Variants in LARS2 observed in about 807,000 individuals in gnomAD.
LARS2 encodes the protein leucyl-tRNA synthetase 2, mitochondrial.
In LARS2, 81 loss-of-function variants were observed where a neutral mutation model predicts 116.6. That is an observed-to-expected ratio of 0.69 (90% CI 0.58 to 0.84). LARS2 has a LOEUF of 0.84. Ranked by LOEUF, LARS2 falls within the 40% of genes least tolerant of loss-of-function variation. The pLI is 0.00. For missense variants in LARS2, 968 were observed against 1,114.5 expected, an observed-to-expected ratio of 0.87 and a Z score of 1.87; for synonymous variants, 396 against 407.2, an observed-to-expected ratio of 0.97 and a Z score of 0.33.
chr3:45,468,216 G>A (rs1699460521), intron 8 of LARS2, among the ~76,000 whole-genome samples: 1 of 152,160 alleles, frequency 6.6e-6, no homozygotes, highest in Non-Finnish European at 1.5e-5. Context: ...GAAAGGGATG[G>A]TCTTATGTTC....
rs907719189 is a variant in LARS2 at position 45,506,298 on chromosome 3, G to A, written c.1760+5719G>A. Among the ~76,000 whole-genome samples, 17 of 151,970 alleles carry A rather than the reference G, an allele frequency of 1.1e-4. 1 individual carries two copies. Among genetic ancestry groups the A allele is most frequent in the Middle Eastern group, 3.2e-3 (1 of 316 alleles). On this transcript the variant is annotated intron_variant, in intron 15 of 21. Transcript: ENST00000645846. ...AGCAACAGCCTCTGAAAACTCTCCC[G>A]GTGCATTACCTCTTTCTTAGAGGTG...
chr3:45,459,016 A>AG (rs1699265179), intron 8 of LARS2, 130 bp downstream of exon 8: 1 of 879,426 alleles, frequency 1.1e-6, no homozygotes, highest in South Asian at 1.6e-5. Context: ...ATGGATGTAC[A>AG]GACAGGAAGC....
intron 4 of LARS2, among the ~76,000 whole-genome samples, chr3:45,416,859 G>C (rs1445830560): frequency 1.3e-5 from 2 of 152,088 alleles, no homozygotes; most frequent in Non-Finnish European, 2.9e-5. Context: ...CGGATCACGA[G>C]GTCAGGAGAT....
intron 6 of LARS2, among the ~76,000 whole-genome samples, chr3:45,435,166 G>A (rs1698778258): frequency 6.6e-6 from 1 of 152,116 alleles, no homozygotes; most frequent in South Asian, 2.1e-4. Context: ...GAGCAGTGTG[G>A]AATTCCTGCC....
chr3:45,433,502 A>C (rs1698754040), intron 6 of LARS2, among the ~76,000 whole-genome samples: 2 of 152,074 alleles, frequency 1.3e-5, no homozygotes, highest in Non-Finnish European at 2.9e-5. Context: ...TAAAGTGTAG[A>C]GGCCTTACTT....
chr3:45,466,802 C>T (rs898387578), intron 8 of LARS2, among the ~76,000 whole-genome samples: 1 of 152,108 alleles, frequency 6.6e-6, no homozygotes, highest in African/African-American at 2.4e-5. Context: ...CTGCAACCTC[C>T]ACCTCCCAGA....
chr3:45,504,615 T>C (rs1275593924), intron 15 of LARS2, among the ~76,000 whole-genome samples: 1 of 152,078 alleles, frequency 6.6e-6, no homozygotes, highest in African/African-American at 2.4e-5. Context: ...CTTTAGGTTC[T>C]AGAATTTGCC....
At chr3:45,398,444 T>C (rs1486194613) in intron 3 of LARS2, among the ~76,000 whole-genome samples, 1 of 152,262 alleles carries the variant, frequency 6.6e-6, no homozygotes, top group Non-Finnish European at 1.5e-5. Flanking sequence ...CGTGTTTGTT[T>C]GCATTACTTC....
At chr3:45,528,326 G>A (rs980786787) in intron 20 of LARS2, among the ~76,000 whole-genome samples, 1 of 152,176 alleles carries the variant, frequency 6.6e-6, no homozygotes, top group Non-Finnish European at 1.5e-5. Flanking sequence ...GACAGAGCAA[G>A]AGCCTGTCTC....
chr3:45,446,801 AC>A (rs755273119), intron 6 of LARS2, 89 bp from the exon 7 acceptor site: 8 of 693,050 alleles, frequency 1.2e-5, no homozygotes, highest in Non-Finnish European at 2.0e-5. Context: ...TGATTTCATT[AC>A]TTTTCAAAAT....
At chr3:45,391,773 C>T (rs1188981276) in intron 2 of LARS2, 125 bp downstream of exon 2, 2 of 152,134 alleles carry the variant, frequency 1.3e-5, no homozygotes. Flanking sequence ...TTTCAGGATT[C>T]TCTAGTTCAC....
chr3:45,477,411 G>T (rs577467134), intron 10 of LARS2, among the ~76,000 whole-genome samples: 34 of 152,160 alleles, frequency 2.2e-4, no homozygotes, highest in Non-Finnish European at 4.3e-4. Context: ...CTCTAACACC[G>T]CCTTCAGTGC....
chr3:45,423,192 A>G (rs1698541738), intron 6 of LARS2, among the ~76,000 whole-genome samples: 1 of 152,216 alleles, frequency 6.6e-6, no homozygotes, highest in African/African-American at 2.4e-5. Flanking sequence ...CTCATGTATG[A>G]TAAGAAAAGT....
At chr3:45,473,620 G>T (rs1224162960) in intron 8 of LARS2, among the ~76,000 whole-genome samples, 1 of 151,408 alleles carries the variant, frequency 6.6e-6, no homozygotes, top group East Asian at 1.9e-4. Flanking sequence ...CTGACCTCAG[G>T]TGATCCGCCC....
At chr3:45,393,197 T>G (rs1254291106) in intron 2 of LARS2, among the ~76,000 whole-genome samples, 1 of 152,160 alleles carries the variant, frequency 6.6e-6, no homozygotes, top group East Asian at 1.9e-4. Flanking sequence ...CGTGACCACA[T>G]GTTATATATT....
At chr3:45,464,705 G>T (rs536280782) in intron 8 of LARS2, among the ~76,000 whole-genome samples, 1 of 152,160 alleles carries the variant, frequency 6.6e-6, no homozygotes, top group Non-Finnish European at 1.5e-5. Flanking sequence ...TGCATACTGC[G>T]CCTTCTAAGG....
At chr3:45,438,684 T>A (rs1238370840) in intron 6 of LARS2, among the ~76,000 whole-genome samples, 2 of 136,636 alleles carry the variant, frequency 1.5e-5, no homozygotes, top group Non-Finnish European at 3.3e-5. Context: ...AAAAAAAAAA[T>A]TTTAGCCAGG....
intron 4 of LARS2, among the ~76,000 whole-genome samples, chr3:45,403,741 T>C (rs1474484891): frequency 6.6e-6 from 1 of 152,084 alleles, no homozygotes; most frequent in African/African-American, 2.4e-5. Context: ...CTGGTACCCT[T>C]GCAGGCAGCT....
chr3:45,417,507 C>T lies in LARS2; in HGVS notation c.389C>T (p.Ala130Val). 2 of 1,614,082 alleles carry T rather than the reference C, an allele frequency of 1.2e-6. No individual in the cohort carries two copies. The highest frequency in any genetic ancestry group is 1.7e-6 in the Non-Finnish European group (2 of 1,179,936). ...MQVINPMGWD[A>V]FGLPAENAAV... is the part of the protein sequence containing the mutation. ...GTCATCAACCCCATGGGATGGGATG[C>T]TTTTGGATTGCCTGCTGAAAATGCC... The change falls in exon 5 of 22, where the codon GCT becomes GTT. Residue 130 changes from alanine (A) to valine (V), a missense_variant. Physicochemically the swap from Ala to Val is moderately conservative, Grantham distance 64. Coordinates refer to ENST00000645846, the MANE Select transcript of LARS2 (RefSeq NM_015340.4).
Sources: gnomAD v4.1 joint callset for allele counts (sites outside exome capture counted in the v4.1 genomes callset) on GRCh38, gnomAD v4.1.1 for gene constraint, MANE v1.5 for transcripts, NCBI Gene and HGNC (gene_info 2026-07-23, HGNC 2026-07-21) for gene names.